Variants in HOXA10 observed in about 807,000 individuals in gnomAD.
The protein encoded by HOXA10 is homeobox protein Hox-A10.
Under a neutral mutation model 29.7 loss-of-function variants are expected in HOXA10, and 12 were observed. The observed-to-expected ratio is 0.40, with a 90% CI of 0.26 to 0.65. The LOEUF (loss-of-function observed/expected upper bound fraction) is 0.65. Among genes scored for constraint, HOXA10 ranks in the 30% least tolerant of loss-of-function variants. The pLI is 0.37. For synonymous variants in HOXA10, 327 were observed against 280.7 expected (o/e 1.16, Z -1.65); for missense variants, 656 against 585.9 (o/e 1.12, Z -1.24).
upstream of HOXA10, among the ~76,000 whole-genome samples, chr7:27,177,855 A>G (rs1032827850): frequency 3.3e-5 from 5 of 152,150 alleles, no homozygotes; most frequent in Non-Finnish European, 5.9e-5. Flanking sequence ...ACCAGGCCTT[A>G]TGCAGCGGTT....
chr7:27,173,609 G>A lies in HOXA10; in HGVS notation c.698C>T (p.Ala233Val), dbSNP rs201915532. The stretch of plus-strand genomic sequence containing the variant: ...GAACGGGCCAGCCCCGAGTTGCTGC[G>A]CGCCGCCGCCGCCGCTGCCATAGCC... ...AKGYGSGGGG[A>V]QQLGAGPFPA... The change falls in exon 1 of 2, where the codon GCG (alanine) becomes GTG (valine). Residue 233 changes from alanine (A) to valine (V), a missense_variant. By Grantham distance (64) the Ala-to-Val change is moderately conservative (BLOSUM62 0). Coordinates refer to ENST00000283921, the MANE Select transcript of HOXA10 (RefSeq NM_018951.4). 2,823 of 1,531,588 alleles carry A rather than the reference G, an allele frequency of 1.8e-3. 2 individuals carry two copies. Among genetic ancestry groups the A allele is most frequent in the Non-Finnish European group, 2.3e-3 (2,616 of 1,140,592 alleles). The allele number at this position is 1,531,588 out of a possible 1,614,324, so 94.9% of individuals were successfully genotyped here. A position where few individuals can be genotyped will look rare whatever the true frequency, so the allele number is the denominator to read the frequency against.
upstream of HOXA10, among the ~76,000 whole-genome samples, chr7:27,177,000 G>T (rs1482998116): frequency 2.0e-5 from 3 of 152,326 alleles, no homozygotes; most frequent in East Asian, 1.9e-4. Context: ...CTGCCAATTT[G>T]GCTGGCAAGA....
chr7:27,173,004 C>G (rs1383538247), intron 1 of HOXA10: 4 of 346,272 alleles, frequency 1.2e-5, no homozygotes, highest in African/African-American at 2.2e-5. Context: ...CCCCCTCCCC[C>G]CGCGTGGGCC....
upstream of HOXA10, among the ~76,000 whole-genome samples, chr7:27,175,377 A>C (rs1419981140): frequency 6.6e-6 from 1 of 151,642 alleles, no homozygotes; most frequent in Non-Finnish European, 1.5e-5. Context: ...GTGTCACTAC[A>C]CTCCTACCTC....
Position 27,173,944 on chromosome 7 carries a change from C to A in HOXA10, c.363G>T (p.Ala121=). 1 of 1,524,138 alleles carries A rather than the reference C, an allele frequency of 6.6e-7. No homozygotes were observed. Among genetic ancestry groups the A allele is most frequent in the Non-Finnish European group, 8.8e-7 (1 of 1,138,622 alleles). 94.4% of individuals were successfully genotyped at this position (1,524,138 alleles called of 1,614,324 possible). The change falls in exon 1 of 2, where the codon GCG becomes GCT. Residue 121 remains alanine, a synonymous_variant. Coordinates refer to ENST00000283921, the MANE Select transcript of HOXA10 (RefSeq NM_018951.4). ...GCGGCTCCATCCGGCAAGACCGGGG[C>A]GCGTCTAGCCACAGGTCTATGGGCG... ...GPSPIDLWLD[A]PRSCRMEPPD... is the part of the protein sequence containing the mutation.
At chr7:27,176,890 A>G (rs1783662676), upstream of HOXA10, among the ~76,000 whole-genome samples, 1 of 152,238 alleles carries the variant, frequency 6.6e-6, no homozygotes, top group Non-Finnish European at 1.5e-5. Flanking sequence ...ATATCTGTAT[A>G]TTCCCACAAT....
Position 27,173,794 on chromosome 7 carries a change from G to C in HOXA10, c.513C>G (p.Leu171=). The change falls in exon 1 of 2, where the codon CTC becomes CTG. Residue 171 remains leucine (L), a synonymous_variant. Coordinates refer to ENST00000283921, the MANE Select transcript of HOXA10 (RefSeq NM_018951.4). ...TGGGGCATTTGTCCGCCGAGTCGTA[G>C]AGGCAGTAGGAGCTCTCTTCTTTGA... ...QNIKEESSYC[L]YDSADKCPKV... is the part of the protein sequence containing the mutation. The C allele has an allele frequency of 6.2e-7, 1 of 1,611,150 alleles. No individual in the cohort carries two copies. The highest frequency in any genetic ancestry group is 8.5e-7 in the Non-Finnish European group (1 of 1,178,782).
chr7:27,171,655 A>G lies in HOXA10; in HGVS notation c.*244T>C, dbSNP rs1175231119. ...CACTTAGGACAATATCTATCTCTAT[A>G]GAATTTTAGCATGATATGGCTTTTT... is the stretch of plus-strand genomic sequence containing the variant. On this transcript the variant is annotated 3_prime_UTR_variant, in exon 2 of 2. Transcript: ENST00000283921. 4.5e-6 allele frequency: 3 copies of G among 662,884 alleles called. No individual in the cohort carries two copies. Among genetic ancestry groups the G allele is most frequent in the Non-Finnish European group, 8.3e-6 (3 of 361,674 alleles). 41.1% of individuals were successfully genotyped at this position (662,884 alleles called of 1,614,324 possible). A position where few individuals can be genotyped will look rare whatever the true frequency, so the allele number is the denominator to read the frequency against.
In HOXA10 at chr7:27,170,854, T is replaced by A. The variant is rs773340621; in HGVS notation, c.*1045A>T. On this transcript the variant is annotated 3_prime_UTR_variant, in exon 2 of 2. Transcript: ENST00000283921. ...TCTACAGGTTTGACCCTTTTATGCA[T>A]GTAACTTCACAGTATAAAGGAAATC... The A allele has an allele frequency of 1.8e-5, 8 of 454,398 alleles. No homozygotes were observed. 28.1% of individuals were successfully genotyped at this position (454,398 alleles called of 1,614,324 possible).
In HOXA10 at chr7:27,173,349, C is replaced by T. The variant is rs750031553; in HGVS notation, c.958G>A (p.Gly320Ser). Residue 320 changes from glycine to serine, a missense_variant and splice_region_variant, in exon 1 of 2, where the codon GGC (glycine) becomes AGC (serine). By Grantham distance (56) the Gly-to-Ser change is moderately conservative. Transcript: ENST00000283921. ...SKASPEKDSL[G>S]NSKGENAANW... Reference sequence around the variant, plus strand: ...TGCAGCCCTCTGCAGCCCTGCTTACCCAGGGAATCCTTCTCCGGCGAGGCT... The same window carrying T: ...TGCAGCCCTCTGCAGCCCTGCTTACTCAGGGAATCCTTCTCCGGCGAGGCT... 26 of 1,611,982 alleles carry T rather than the reference C, an allele frequency of 1.6e-5. No homozygotes were observed. In the East Asian group the frequency reaches 5.8e-4, roughly 36 times the overall value.
At chr7:27,177,735 C>T (rs922629336), upstream of HOXA10, among the ~76,000 whole-genome samples, 2 of 152,190 alleles carry the variant, frequency 1.3e-5, no homozygotes, top group Non-Finnish European at 2.9e-5. Context: ...CACTTTTCCT[C>T]CCTCGTGCTC....
At chr7:27,179,115 G>A (rs1273337191), upstream of HOXA10, among the ~76,000 whole-genome samples, 1 of 152,188 alleles carries the variant, frequency 6.6e-6, no homozygotes, top group Admixed American at 6.5e-5. Context: ...AAAATCACAT[G>A]CGACTTCTCC....
At chr7:27,179,520 G>A in intron 1 of HOXA10, 1 of 704,866 alleles carries the variant, frequency 1.4e-6, no homozygotes, top group Non-Finnish European at 2.6e-6. Context: ...GGGAGCAATG[G>A]GGTGGGGGCT....
upstream of HOXA10, chr7:27,174,344 C>G (rs1412868178): frequency 1.3e-6 from 2 of 1,593,448 alleles, no homozygotes; most frequent in Non-Finnish European, 1.7e-6. Flanking sequence ...TTAGCAATCC[C>G]CCCGCACCGC....
chr7:27,179,585 A>G (rs973034440), intron 1 of HOXA10: 8 of 757,682 alleles, frequency 1.1e-5, no homozygotes, highest in Non-Finnish European at 1.7e-5. Context: ...CTGCTTAGAC[A>G]TCGGCCACCT....
upstream of HOXA10, among the ~76,000 whole-genome samples, chr7:27,177,923 C>G (rs1310295328): frequency 6.6e-6 from 1 of 152,188 alleles, no homozygotes; most frequent in African/African-American, 2.4e-5. Context: ...CCATTTCTAC[C>G]CGGGTAATAA....
In HOXA10 at chr7:27,170,607, C is replaced by A. The variant is rs1395786459; in HGVS notation, c.*1292G>T. 3.0e-6 allele frequency: 1 copy of A among 338,776 alleles called. No individual in the cohort carries two copies. The highest frequency in any genetic ancestry group is 2.4e-5 in the South Asian group (1 of 40,998). 21.0% of individuals were successfully genotyped at this position (338,776 alleles called of 1,614,324 possible). A position where few individuals can be genotyped will look rare whatever the true frequency, so the allele number is the denominator to read the frequency against. On this transcript the variant is annotated 3_prime_UTR_variant, in exon 2 of 2. Transcript: ENST00000283921. ...AAAAAGAGGTAAAATTAAAAAGCTT[C>A]ATTCCACAGCTTTTATTCTATAAGA...
rs984260476 is a variant in HOXA10, at chr7:27,171,672, T to C, written c.*227A>G. On this transcript the variant is annotated 3_prime_UTR_variant, in exon 2 of 2. Coordinates refer to ENST00000283921, the MANE Select transcript of HOXA10 (RefSeq NM_018951.4). ...ATCTCTATAGAATTTTAGCATGATA[T>C]GGCTTTTTCCCCCAGAAAACAACAA... 2 of 688,780 alleles carry C rather than the reference T, an allele frequency of 2.9e-6. No individual in the cohort carries two copies. Among genetic ancestry groups the C allele is most frequent in the African/African-American group, 1.8e-5 (1 of 56,996 alleles). 42.7% of individuals were successfully genotyped at this position (688,780 alleles called of 1,614,324 possible).
Position 27,174,100 on chromosome 7 carries a change from G to A in HOXA10, c.207C>T (p.Ala69=), listed in dbSNP as rs759112411. ...AGCTCTGCAGCCCGTAGGGCAGGTC[G>A]GCGGCGGGCGGCAGGTAGACCCCGC... ...AHGGVYLPPA[A]DLPYGLQSCG... is the part of the protein sequence containing the mutation. The change falls in exon 1 of 2, where the codon GCC becomes GCT. Residue 69 remains alanine (A), a synonymous_variant. Coordinates refer to ENST00000283921, the MANE Select transcript of HOXA10 (RefSeq NM_018951.4). The A allele has an allele frequency of 7.0e-6, 11 of 1,569,884 alleles. No homozygotes were observed. The highest frequency in any genetic ancestry group is 9.4e-6 in the Non-Finnish European group (11 of 1,165,252).
Sources: gnomAD v4.1 joint callset for allele counts (sites outside exome capture counted in the v4.1 genomes callset) on GRCh38, gnomAD v4.1.1 for gene constraint, MANE v1.5 for transcripts, NCBI Gene and HGNC (gene_info 2026-07-23, HGNC 2026-07-21) for gene names.